The following RANBP17 variants were observed in gnomAD, a reference collection of about 807,000 sequenced individuals.
RANBP17 encodes RAN binding protein 17, also known as ran-binding protein 17.
RANBP17 carries 158 observed loss-of-function variants against 141.2 expected under a neutral mutation model. The ratio of observed to expected loss-of-function variants is 1.12; its 90% CI spans 0.98 to 1.28. The LOEUF (loss-of-function observed/expected upper bound fraction) is 1.28. Among genes scored for constraint, RANBP17 ranks in the 50% most tolerant of loss-of-function variants. The probability of loss-of-function intolerance (pLI) is 0.00; values close to 1 mark genes in which losing one functional copy is unlikely to be tolerated. For synonymous variants in RANBP17, 430 were observed against 450.0 expected (o/e 0.96, Z 0.56); for missense variants, 1,438 against 1,290.7 (o/e 1.11, Z -1.75).
intron 26 of RANBP17, among the ~76,000 whole-genome samples, chr5:171,294,563 C>T (rs562914494): frequency 1.3e-5 from 2 of 152,116 alleles, no homozygotes; most frequent in African/African-American, 2.4e-5. Context: ...TAAGATAGTA[C>T]TGGGGAAAAA....
At position 171,199,782 on chromosome 5, in the gene RANBP17, G is replaced by T; in HGVS notation, c.2142+9G>T. On this transcript the variant is annotated intron_variant, in intron 19 of 27. Transcript: ENST00000523189. ...AACAAGAAGATGTAAAGGTGGGTTT[G>T]TTTCCAAATATGAGGAATGACAGTT... is the stretch of plus-strand genomic sequence containing the variant. The T allele has an allele frequency of 6.5e-7, 1 of 1,527,670 alleles. No individual in the cohort carries two copies. The highest frequency in any genetic ancestry group is 1.2e-5 in the South Asian group (1 of 86,004). 94.6% of individuals were successfully genotyped at this position (1,527,670 alleles called of 1,614,324 possible).
chr5:171,201,359 T>A (rs541360435), intron 19 of RANBP17, among the ~76,000 whole-genome samples: 1 of 152,338 alleles, frequency 6.6e-6, no homozygotes, highest in African/African-American at 2.4e-5. Context: ...AGTAATGCTG[T>A]GTAGGCAACA....
At chr5:170,915,153 A>G (rs921685936) in intron 8 of RANBP17, among the ~76,000 whole-genome samples, 1 of 152,152 alleles carries the variant, frequency 6.6e-6, no homozygotes, top group Non-Finnish European at 1.5e-5. Context: ...TGTAAAAACC[A>G]TGGTTTCATG....
intron 14 of RANBP17, among the ~76,000 whole-genome samples, chr5:170,980,213 G>A (rs1380031451): frequency 1.3e-5 from 2 of 152,220 alleles, no homozygotes; most frequent in East Asian, 1.9e-4. Flanking sequence ...CTTGGGTGCT[G>A]TTAAAGGCAT....
At chr5:171,259,932 G>A (rs1766176988) in intron 24 of RANBP17, among the ~76,000 whole-genome samples, 1 of 152,034 alleles carries the variant, frequency 6.6e-6, no homozygotes, top group Non-Finnish European at 1.5e-5. Flanking sequence ...GACAAACCGA[G>A]ATTGCGCCAC....
intron 12 of RANBP17, among the ~76,000 whole-genome samples, chr5:170,944,039 T>G (rs1373142202): frequency 2.0e-5 from 3 of 152,192 alleles, no homozygotes; most frequent in Admixed American, 1.3e-4. Context: ...GTAACCACCA[T>G]TTTACACTCT....
intron 18 of RANBP17, among the ~76,000 whole-genome samples, chr5:171,195,356 A>G (rs932815242): frequency 1.3e-5 from 2 of 152,238 alleles, no homozygotes; most frequent in Admixed American, 1.3e-4. Flanking sequence ...CCTGTATGGT[A>G]ATACAGATTA....
intron 14 of RANBP17, among the ~76,000 whole-genome samples, chr5:171,006,943 A>G (rs1259454879): frequency 6.6e-6 from 1 of 152,024 alleles, no homozygotes; most frequent in East Asian, 1.9e-4. Flanking sequence ...AAACCACGTA[A>G]TCTCGCTTAG....
intron 1 of RANBP17, among the ~76,000 whole-genome samples, chr5:170,877,058 G>C (rs1768239294): frequency 6.6e-6 from 1 of 152,038 alleles, no homozygotes. Flanking sequence ...TGGTTTCCAT[G>C]TGTCCCAGAT....
intron 25 of RANBP17, among the ~76,000 whole-genome samples, chr5:171,276,819 A>G (rs748285071): frequency 9.2e-5 from 14 of 151,984 alleles, no homozygotes; most frequent in Non-Finnish European, 1.3e-4. Context: ...AAGTATGGCA[A>G]ATGGCAACCA....
chr5:171,280,582 T>C (rs1460969669), intron 25 of RANBP17, among the ~76,000 whole-genome samples: 1 of 152,230 alleles, frequency 6.6e-6, no homozygotes, highest in Non-Finnish European at 1.5e-5. Context: ...CCTTAACTCA[T>C]GGAAAGTTTA....
rs762211654 is a variant in RANBP17, at chr5:170,968,214, GTT to G, written c.1575-19_1575-18del. The stretch of plus-strand genomic sequence containing the variant: ...GTTTCTCTAAGGTTTTGTACTGAAG[GTT>G]TTTTTTTTATTTTCCCTTCATGAAG... On this transcript the variant is annotated intron_variant, in intron 13 of 27. Coordinates refer to ENST00000523189, the MANE Select transcript of RANBP17 (RefSeq NM_022897.5). 3.7e-6 allele frequency: 5 copies of G among 1,353,428 alleles called. No homozygotes were observed. The Admixed American group carries it at 8.0e-5, about 22-fold the overall frequency. The allele number at this position is 1,353,428 out of a possible 1,614,324, so 83.8% of individuals were successfully genotyped here.
chr5:171,049,013 G>A lies in RANBP17; in HGVS notation c.1710+80636G>A, dbSNP rs145355317. Among the ~76,000 whole-genome samples, 9 of 152,274 alleles carry A rather than the reference G, an allele frequency of 5.9e-5. 1 individual carries two copies. Among genetic ancestry groups the A allele is most frequent in the Non-Finnish European group, 1.2e-4 (8 of 68,014 alleles). On this transcript the variant is annotated intron_variant, in intron 14 of 27. Coordinates refer to ENST00000523189, the MANE Select transcript of RANBP17 (RefSeq NM_022897.5). ...GTGTATCCAATAATGGGATTGCTGG[G>A]TGGAATGGTAATTCTATTTTAAGTT...
intron 8 of RANBP17, among the ~76,000 whole-genome samples, chr5:170,914,740 T>C (rs564827897): frequency 6.6e-6 from 1 of 152,292 alleles, no homozygotes; most frequent in East Asian, 1.9e-4. Context: ...TGAATCAGTG[T>C]AAATTCTATT....
rs1762963575 is a variant in RANBP17 at position 171,212,529 on chromosome 5, G to A, written c.2232-1102G>A. On this transcript the variant is annotated intron_variant, in intron 20 of 27. Transcript: ENST00000523189. ...TAGAGCAGAAATGCTAAGAGATGAAGCTGGAGGTAGCCAAGAACCAAATCT... is the reference window on the plus strand; with the variant it reads ...TAGAGCAGAAATGCTAAGAGATGAAACTGGAGGTAGCCAAGAACCAAATCT... 2.0e-5 allele frequency among the ~76,000 whole-genome samples: 3 copies of A among 152,188 alleles called. No individual in the cohort carries two copies. The South Asian group carries it at 6.2e-4, about 32-fold the overall frequency.
chr5:171,192,738 A>G (rs995103370), intron 18 of RANBP17, among the ~76,000 whole-genome samples: 6 of 152,150 alleles, frequency 3.9e-5, no homozygotes, highest in East Asian at 3.8e-4. Flanking sequence ...AAATGAGGCA[A>G]GTTTGGCTCT....
At chr5:170,936,240 T>G (rs1271967815) in intron 12 of RANBP17, among the ~76,000 whole-genome samples, 2 of 152,114 alleles carry the variant, frequency 1.3e-5, no homozygotes, top group Non-Finnish European at 2.9e-5. Flanking sequence ...CTCTTGCGCT[T>G]CCAGGGTGAG....
In RANBP17 at chr5:170,957,072, AACACACAC is replaced by A. The variant is rs58034888; in HGVS notation, c.1574+3399_1574+3406del. Among the ~76,000 whole-genome samples the A allele has an allele frequency of 8.8e-3, 1,253 of 142,988 alleles. 20 individuals are homozygous for A. Among genetic ancestry groups the A allele is most frequent in the African/African-American group, 0.031 (1,188 of 38,786 alleles). The allele number at this position is 142,988 out of a possible 152,430, so 93.8% of individuals were successfully genotyped here. A position where few individuals can be genotyped will look rare whatever the true frequency, so the allele number is the denominator to read the frequency against. On this transcript the variant is annotated intron_variant, in intron 13 of 27. Transcript: ENST00000523189. The stretch of plus-strand genomic sequence containing the variant: ...GCAACAGAGCGAGACTCTGTCTCAA[AACACACAC>A]ACACACACACACACACACACACACA...
intron 20 of RANBP17, among the ~76,000 whole-genome samples, chr5:171,209,053 T>C (rs922342445): frequency 2.6e-5 from 4 of 152,086 alleles, no homozygotes; most frequent in Admixed American, 6.6e-5. Context: ...TAATCAAATA[T>C]AGAAAGTGCT....
Sources: allele counts gnomAD v4.1 joint callset (sites outside exome capture counted in the v4.1 genomes callset), GRCh38; gene constraint gnomAD v4.1.1; transcripts MANE v1.5; gene names NCBI Gene and HGNC (gene_info 2026-07-23, HGNC 2026-07-21).